Variants in CAPZB observed in about 807,000 individuals in gnomAD.
CAPZB encodes F-actin-capping protein subunit beta.
In CAPZB, 2 loss-of-function variants were observed where a neutral mutation model predicts 38.1. That is an observed-to-expected ratio of 0.05 (90% confidence interval 0.02 to 0.17). CAPZB has a LOEUF of 0.17. CAPZB is among the 10% of genes least tolerant of loss of function. The probability of loss-of-function intolerance (pLI) is 1.00; values close to 1 mark genes in which losing one functional copy is unlikely to be tolerated. For missense variants in CAPZB, 161 were observed against 334.2 expected (o/e 0.48, Z 4.04); for synonymous variants, 107 against 127.4 (o/e 0.84, Z 1.08).
intron 6 of CAPZB, among the ~76,000 whole-genome samples, chr1:19,354,415 A>G (rs529431296): frequency 1.3e-5 from 2 of 152,256 alleles, no homozygotes; most frequent in Non-Finnish European, 2.9e-5. Flanking sequence ...AGATTTGTCT[A>G]CCTCATTGCA....
intron 2 of CAPZB, among the ~76,000 whole-genome samples, chr1:19,396,787 A>AC (rs35581714): frequency 0.016 from 281 of 17,728 alleles, 2 homozygotes; most frequent in African/African-American, 0.026. Context: ...ATAAAAATAC[A>AC]AAAAAAAAAA....
chr1:19,440,392 G>A lies in CAPZB; in HGVS notation c.4-20642C>T, dbSNP rs541681343. ...AGAAATAGATACTGGAAGAGATGAT[G>A]TAAAAACAATTTTTTATTTTTATTT... On this transcript the variant is annotated intron_variant, in intron 1 of 8. Coordinates refer to ENST00000264202, the MANE Select transcript of CAPZB (RefSeq NM_004930.5). 2.6e-5 allele frequency among the ~76,000 whole-genome samples: 4 copies of A among 152,280 alleles called. No individual in the cohort carries two copies. The South Asian group carries it at 8.3e-4, about 32-fold the overall frequency.
Position 19,339,264 on chromosome 1 carries a change from G to A in CAPZB, c.*266C>T, listed in dbSNP as rs562345786. The A allele has an allele frequency of 3.9e-4, 179 of 461,098 alleles. 1 individual carries two copies. Among genetic ancestry groups the A allele is most frequent in the African/African-American group, 2.5e-3 (127 of 50,416 alleles). 28.6% of individuals were successfully genotyped at this position (461,098 alleles called of 1,614,324 possible). On this transcript the variant is annotated 3_prime_UTR_variant, in exon 9 of 9. Transcript: ENST00000264202. ...TAAATGGGGGGACAGGGAGGAAGACGGGGGGCCCGGGTGAACAAAAACCAC... is the reference window on the plus strand; with the variant it reads ...TAAATGGGGGGACAGGGAGGAAGACAGGGGGCCCGGGTGAACAAAAACCAC...
chr1:19,466,961 G>A (rs2094571088), intron 1 of CAPZB, among the ~76,000 whole-genome samples: 2 of 152,098 alleles, frequency 1.3e-5, no homozygotes, highest in Admixed American at 1.3e-4. Context: ...GAATGCAGGA[G>A]TTATTCATAG....
chr1:19,342,668 A>C (rs2093936783), intron 8 of CAPZB: 2 of 832,150 alleles, frequency 2.4e-6, no homozygotes, highest in Non-Finnish European at 4.1e-6. Context: ...ATGGCCGCGG[A>C]GCAGCAGCCG....
intron 1 of CAPZB, among the ~76,000 whole-genome samples, chr1:19,442,814 C>A (rs973824298): frequency 6.6e-6 from 1 of 152,178 alleles, no homozygotes; most frequent in African/African-American, 2.4e-5. Context: ...ATCTCCAACT[C>A]CGGTTTGTTT....
At chr1:19,442,912 T>C (rs1225681346) in intron 1 of CAPZB, among the ~76,000 whole-genome samples, 1 of 152,088 alleles carries the variant, frequency 6.6e-6, no homozygotes, top group African/African-American at 2.4e-5. Context: ...GCAAACAACC[T>C]CTACGCCAGT....
chr1:19,423,744 G>T (rs997030798), intron 1 of CAPZB, among the ~76,000 whole-genome samples: 7 of 151,772 alleles, frequency 4.6e-5, no homozygotes, highest in African/African-American at 1.7e-4. Flanking sequence ...CTGGAGTATA[G>T]TAGCACAATG....
intron 8 of CAPZB, among the ~76,000 whole-genome samples, chr1:19,344,119 G>A (rs1448044017): frequency 6.6e-6 from 1 of 152,196 alleles, no homozygotes; most frequent in Non-Finnish European, 1.5e-5. Flanking sequence ...ATGGCTGTTA[G>A]GGTGAACATG....
intron 6 of CAPZB, among the ~76,000 whole-genome samples, chr1:19,352,573 A>T (rs2093997397): frequency 6.6e-6 from 1 of 152,134 alleles, no homozygotes; most frequent in African/African-American, 2.4e-5. Context: ...CTTGCTCTAC[A>T]ACCCTCCCAT....
intron 4 of CAPZB, among the ~76,000 whole-genome samples, chr1:19,374,630 C>T (rs886969036): frequency 2.0e-5 from 3 of 152,240 alleles, no homozygotes; most frequent in Non-Finnish European, 4.4e-5. Context: ...GTGGCTTCTC[C>T]GGCCACTCCC....
intron 1 of CAPZB, among the ~76,000 whole-genome samples, chr1:19,474,693 A>G (rs957964730): frequency 3.9e-5 from 6 of 152,160 alleles, no homozygotes; most frequent in African/African-American, 1.4e-4. Flanking sequence ...TGCCACCTTC[A>G]CAAGAGGAGA....
chr1:19,380,148 G>C, intron 3 of CAPZB, among the ~76,000 whole-genome samples: 2 of 152,264 alleles, frequency 1.3e-5, no homozygotes, highest in African/African-American at 4.8e-5. Flanking sequence ...TAAGCTGGGC[G>C]GCCTCTTCCA....
intron 2 of CAPZB, among the ~76,000 whole-genome samples, chr1:19,412,389 AT>A (rs1334856277): frequency 6.6e-6 from 1 of 152,118 alleles, no homozygotes; most frequent in Non-Finnish European, 1.5e-5. Flanking sequence ...TGGAAAAAGC[AT>A]TTTTTTAATG....
chr1:19,373,252 C>T (rs1006962938), intron 4 of CAPZB, among the ~76,000 whole-genome samples: 5 of 152,132 alleles, frequency 3.3e-5, no homozygotes, highest in Non-Finnish European at 7.4e-5. Context: ...CACCCCTACT[C>T]GCCTTTTGCC....
intron 2 of CAPZB, among the ~76,000 whole-genome samples, chr1:19,388,284 A>C (rs2094214271): frequency 6.6e-6 from 1 of 152,152 alleles, no homozygotes; most frequent in Non-Finnish European, 1.5e-5. Flanking sequence ...CTAGAATGTA[A>C]GTTTTACTGG....
rs58416206 is a variant in CAPZB at position 19,441,954 on chromosome 1, C to T, written c.4-22204G>A. On this transcript the variant is annotated intron_variant, in intron 1 of 8. Coordinates refer to ENST00000264202, the MANE Select transcript of CAPZB (RefSeq NM_004930.5). ...AACCGGGGAGGCGGAGGTTGCAGTG[C>T]GCTGAGATTGTGCCACTGCACTCCA... Among the ~76,000 whole-genome samples the T allele has an allele frequency of 1.8e-4, 26 of 145,932 alleles. No homozygotes were observed. The South Asian group carries it at 4.9e-3, about 27-fold the overall frequency.
intron 4 of CAPZB, among the ~76,000 whole-genome samples, chr1:19,359,306 G>A (rs1285100573): frequency 6.7e-6 from 1 of 149,750 alleles, no homozygotes; most frequent in African/African-American, 2.5e-5. Flanking sequence ...ATACACCGGA[G>A]TGTAATGTAA....
intron 1 of CAPZB, among the ~76,000 whole-genome samples, chr1:19,483,683 A>C (rs896427103): frequency 1.3e-5 from 2 of 152,090 alleles, no homozygotes; most frequent in African/African-American, 4.8e-5. Context: ...ACTTCAGCCC[A>C]CTTTCAAAGT....
Sources: gnomAD v4.1 joint callset for allele counts (sites outside exome capture counted in the v4.1 genomes callset) on GRCh38, gnomAD v4.1.1 for gene constraint, MANE v1.5 for transcripts, NCBI Gene and HGNC (gene_info 2026-07-23, HGNC 2026-07-21) for gene names.